Variants in VPS8 observed in about 807,000 individuals in gnomAD.
The protein encoded by VPS8 is VPS8 subunit of CORVET complex.
Under a neutral mutation model 216.4 loss-of-function variants are expected in VPS8, and 129 were observed. The observed-to-expected ratio is 0.60, with a 90% confidence interval of 0.52 to 0.69. The LOEUF (loss-of-function observed/expected upper bound fraction) is 0.69, where lower values mean the gene tolerates loss of function less well. Ranked by LOEUF, VPS8 falls within the 30% of genes least tolerant of loss-of-function variation. The pLI is 0.00. For synonymous variants in VPS8, 571 were observed against 565.4 expected (o/e 1.01, Z -0.14); for missense variants, 1,531 against 1,683.5 (o/e 0.91, Z 1.59).
intron 40 of VPS8, among the ~76,000 whole-genome samples, chr3:184,979,182 A>T (rs532804184): frequency 5.3e-5 from 8 of 151,860 alleles, no homozygotes; most frequent in African/African-American, 1.9e-4. Flanking sequence ...TATGATTTTC[A>T]TTTTTTTAAA....
chr3:184,984,634 A>G (rs1251786164), intron 42 of VPS8, among the ~76,000 whole-genome samples: 1 of 152,148 alleles, frequency 6.6e-6, no homozygotes, highest in Non-Finnish European at 1.5e-5. Context: ...GATCTTAGCA[A>G]TTATCATGTG....
At chr3:184,980,911 A>G (rs547742093) in intron 40 of VPS8, among the ~76,000 whole-genome samples, 1 of 152,284 alleles carries the variant, frequency 6.6e-6, no homozygotes, top group South Asian at 2.1e-4. Context: ...TTGAGTTTCC[A>G]GAGTTCTTTC....
chr3:184,835,995 C>T (rs1721015175), intron 5 of VPS8, among the ~76,000 whole-genome samples: 3 of 152,100 alleles, frequency 2.0e-5, no homozygotes, highest in African/African-American at 7.2e-5. Flanking sequence ...AGGCATGAGC[C>T]ACCTCGTCCA....
rs560597754 is a variant in VPS8, at chr3:184,824,896, C to G, written c.153+111C>G. The G allele has an allele frequency of 5.6e-5, 54 of 964,446 alleles. No homozygotes were observed. The East Asian group carries it at 1.2e-3, about 21-fold the overall frequency. The allele number at this position is 964,446 out of a possible 1,614,324, so 59.7% of individuals were successfully genotyped here. On this transcript the variant is annotated intron_variant, in intron 2 of 47. Transcript: ENST00000625842. ...CATTTTTGCATGGGTTAATAGGAGTCTGTGTATAATTTTTTTTTTTTTTTT... is the reference window on the plus strand; with the variant it reads ...CATTTTTGCATGGGTTAATAGGAGTGTGTGTATAATTTTTTTTTTTTTTTT...
intron 3 of VPS8, among the ~76,000 whole-genome samples, chr3:184,828,486 C>A (rs1448444219): frequency 6.6e-6 from 1 of 152,094 alleles, no homozygotes; most frequent in Non-Finnish European, 1.5e-5. Flanking sequence ...CATCCTAGAT[C>A]TCAGAATTTA....
rs549541363 is a variant in VPS8, at chr3:185,025,200, T to A, written c.4056+811T>A. On this transcript the variant is annotated intron_variant, in intron 46 of 47. Transcript: ENST00000625842. ...GGGTATGACTGACGGTTTTACACCTTATCTGAGTGATGCATAGATGATGTC... is the reference window on the plus strand; with the variant it reads ...GGGTATGACTGACGGTTTTACACCTAATCTGAGTGATGCATAGATGATGTC... Among the ~76,000 whole-genome samples the A allele has an allele frequency of 3.9e-5, 6 of 152,334 alleles. No homozygotes were observed. In the South Asian group the frequency reaches 1.2e-3, roughly 32 times the overall value.
At chr3:184,962,761 G>GTGTGTGTGTGTGTGTGTTTGTT (rs1324151343) in intron 37 of VPS8, among the ~76,000 whole-genome samples, 2 of 93,136 alleles carry the variant, frequency 2.1e-5, no homozygotes, top group African/African-American at 6.5e-5. Context: ...GTGTGTGTGT[G>GTGTGTGTGTGTGTGTGTTTGTT]TGTGTCTTAT....
chr3:184,994,861 C>T (rs1301302509), intron 43 of VPS8, among the ~76,000 whole-genome samples: 1 of 152,198 alleles, frequency 6.6e-6, no homozygotes, highest in African/African-American at 2.4e-5. Flanking sequence ...CTTACAGTTC[C>T]AGGTGGCTGG....
chr3:184,930,440 G>A, intron 33 of VPS8, 30 bp from the exon 34 acceptor site: 1 of 1,529,120 alleles, frequency 6.5e-7, no homozygotes. Context: ...GTGAGTGAAT[G>A]AATAAATTAT....
At chr3:184,990,209 C>T (rs193187390) in intron 42 of VPS8, among the ~76,000 whole-genome samples, 4 of 152,190 alleles carry the variant, frequency 2.6e-5, no homozygotes, top group African/African-American at 4.8e-5. Context: ...ATTTAATCCA[C>T]GTTAAATCCT....
At chr3:184,896,062 T>G (rs1733417153) in intron 23 of VPS8, among the ~76,000 whole-genome samples, 1 of 152,170 alleles carries the variant, frequency 6.6e-6, no homozygotes. Context: ...TTTTTGAAAG[T>G]GTGCAAAATC....
At chr3:184,958,474 G>A (rs527768324) in intron 37 of VPS8, among the ~76,000 whole-genome samples, 1 of 152,318 alleles carries the variant, frequency 6.6e-6, no homozygotes, top group South Asian at 2.1e-4. Context: ...TTCAAGATTT[G>A]TGTTTAAAGT....
intron 1 of VPS8, among the ~76,000 whole-genome samples, chr3:184,819,164 A>T (rs1396556206): frequency 6.6e-6 from 1 of 152,130 alleles, no homozygotes; most frequent in Non-Finnish European, 1.5e-5. Flanking sequence ...AATAACAATT[A>T]AGAGGAAATA....
intron 44 of VPS8, among the ~76,000 whole-genome samples, chr3:184,997,141 T>C (rs1029709249): frequency 6.6e-6 from 1 of 152,190 alleles, no homozygotes; most frequent in Non-Finnish European, 1.5e-5. Context: ...GCATATGATA[T>C]TTAAGCTACA....
chr3:185,013,234 T>C (rs1200027461), intron 45 of VPS8, among the ~76,000 whole-genome samples: 1 of 152,254 alleles, frequency 6.6e-6, no homozygotes, highest in Admixed American at 6.5e-5. Context: ...AGATTTCGTT[T>C]ATGGCCAGTT....
intron 45 of VPS8, among the ~76,000 whole-genome samples, chr3:185,007,296 T>G (rs1754399577): frequency 6.6e-6 from 1 of 152,218 alleles, no homozygotes; most frequent in African/African-American, 2.4e-5. Flanking sequence ...TAATTTCAGC[T>G]GAAGTACTCA....
rs552598524 is a variant in VPS8, at chr3:185,021,221, C to T, written c.4003-3115C>T. 3.9e-5 allele frequency among the ~76,000 whole-genome samples: 6 copies of T among 152,286 alleles called. No individual in the cohort carries two copies. The South Asian group carries it at 1.2e-3, about 32-fold the overall frequency. On this transcript the variant is annotated intron_variant, in intron 45 of 47. Coordinates refer to ENST00000625842, the MANE Select transcript of VPS8 (RefSeq NM_001009921.3). ...TAAGGCCCTAGCTTCGTATATCATC[C>T]GTATCCCCAGATCTAGTGTCTGCAT... is the stretch of plus-strand genomic sequence containing the variant.
intron 1 of VPS8, among the ~76,000 whole-genome samples, chr3:184,821,338 C>A (rs1717536018): frequency 6.6e-6 from 1 of 150,906 alleles, no homozygotes; most frequent in Non-Finnish European, 1.5e-5. Flanking sequence ...TCAGAACTTT[C>A]TTCTCTACTT....
chr3:184,854,688 C>G (rs1377413800), intron 13 of VPS8, among the ~76,000 whole-genome samples: 1 of 152,182 alleles, frequency 6.6e-6, no homozygotes, highest in African/African-American at 2.4e-5. Context: ...TACTCACTGC[C>G]TGCAGCTTTG....
Sources: allele counts gnomAD v4.1 joint callset (sites outside exome capture counted in the v4.1 genomes callset), GRCh38; gene constraint gnomAD v4.1.1; transcripts MANE v1.5; gene names NCBI Gene and HGNC (gene_info 2026-07-23, HGNC 2026-07-21).